The following CDH6 variants were observed in gnomAD, a reference collection of about 807,000 sequenced individuals.
CDH6 encodes the protein cadherin-6.
Under a neutral mutation model 78.0 loss-of-function variants are expected in CDH6, and 31 were observed. The observed-to-expected ratio is 0.40, with a 90% confidence interval of 0.30 to 0.54. The LOEUF (loss-of-function observed/expected upper bound fraction) is 0.54, where lower values mean the gene tolerates loss of function less well. Among genes scored for constraint, CDH6 ranks in the 20% least tolerant of loss-of-function variants. The pLI, the probability that CDH6 is intolerant of heterozygous loss-of-function variation, is 0.56. For synonymous variants in CDH6, 376 were observed against 368.8 expected (o/e 1.02, Z -0.23); for missense variants, 724 against 975.9 (o/e 0.74, Z 3.44).
chr5:31,286,936 G>A (rs1743027514), intron 2 of CDH6, among the ~76,000 whole-genome samples: 1 of 152,140 alleles, frequency 6.6e-6, no homozygotes, highest in African/African-American at 2.4e-5. Flanking sequence ...GGGGATAGTG[G>A]CAGAGGGTAT....
intron 2 of CDH6, among the ~76,000 whole-genome samples, chr5:31,275,656 A>C (rs1046813147): frequency 1.3e-5 from 2 of 152,192 alleles, no homozygotes; most frequent in Non-Finnish European, 1.5e-5. Flanking sequence ...ATAATGCTGC[A>C]TTGAACATGT....
chr5:31,299,376 G>T, intron 4 of CDH6, 88 bp from the exon 5 acceptor site: 1 of 1,025,034 alleles, frequency 9.8e-7, no homozygotes, highest in Non-Finnish European at 1.5e-6. Context: ...CATATTGTGG[G>T]TGACAGTTTA....
intron 2 of CDH6, among the ~76,000 whole-genome samples, chr5:31,276,037 T>C (rs1742682816): frequency 1.3e-5 from 2 of 152,210 alleles, no homozygotes; most frequent in Non-Finnish European, 2.9e-5. Context: ...CAACTCTGTG[T>C]GTGTTGGTGT....
At chr5:31,310,895 T>C (rs1235286601) in intron 7 of CDH6, among the ~76,000 whole-genome samples, 2 of 151,976 alleles carry the variant, frequency 1.3e-5, no homozygotes, top group Non-Finnish European at 1.5e-5. Flanking sequence ...CATAAAACCA[T>C]TTTTTTTCCT....
At position 31,255,423 on chromosome 5, in the gene CDH6, G is replaced by C. The variant is rs949788255; in HGVS notation, c.-128-11923G>C. On this transcript the variant is annotated intron_variant, in intron 1 of 11. Transcript: ENST00000265071. ...ATTAACTTGTTCTGGCAAGTGTTTA[G>C]TAAACATCGAACAAGGGCATTTCTT... is the stretch of plus-strand genomic sequence containing the variant. 2.6e-5 allele frequency among the ~76,000 whole-genome samples: 4 copies of C among 152,180 alleles called. No homozygotes were observed. In the South Asian group the frequency reaches 8.3e-4, roughly 31 times the overall value.
intron 11 of CDH6, among the ~76,000 whole-genome samples, chr5:31,320,220 C>T (rs1055806164): frequency 6.6e-6 from 1 of 152,192 alleles, no homozygotes; most frequent in African/African-American, 2.4e-5. Context: ...GACAGCGACA[C>T]TCTCAAGAAA....
chr5:31,294,049 A>G lies in CDH6; in HGVS notation c.316A>G (p.Asn106Asp). ...GAGDLFIINENTGDIQATKRL... is the reference protein window; with the variant it reads ...GAGDLFIINEDTGDIQATKRL... ...AGGAGATCTCTTCATTATTAATGAA[A>G]ACACAGGCGACATACAGGCCACCAA... The change falls in exon 3 of 12, where the codon AAC (asparagine) becomes GAC (aspartate). Residue 106 changes from asparagine to aspartate, a missense_variant. By Grantham distance (23) the Asn-to-Asp change is conservative. Around this residue, in one of 3 missense-constraint regions of CDH6, gnomAD observed 446 missense variants for 684.5 expected, o/e 0.65. Transcript: ENST00000265071. The surrounding 1 kb of genome is among the most constrained non-coding windows in gnomAD (Gnocchi z 4.1). 1 of 1,613,132 alleles carries G rather than the reference A, an allele frequency of 6.2e-7. No individual in the cohort carries two copies.
At chr5:31,309,801 AC>A (rs1197655923) in intron 7 of CDH6, among the ~76,000 whole-genome samples, 2 of 152,218 alleles carry the variant, frequency 1.3e-5, no homozygotes, top group Admixed American at 6.5e-5. Flanking sequence ...GGAAAGTGCC[AC>A]ACACTTTTGA....
Position 31,215,656 on chromosome 5 carries a change from G to T in CDH6, c.-129+21770G>T, listed in dbSNP as rs143554529. 2.0e-3 allele frequency among the ~76,000 whole-genome samples: 300 copies of T among 152,132 alleles called. 3 individuals are homozygous for T. The Middle Eastern group carries it at 0.02, about 10-fold the overall frequency. On this transcript the variant is annotated intron_variant, in intron 1 of 11. Transcript: ENST00000265071. ...AGAGCTTTGCCACAGGTATCCAGAT[G>T]CAGGACGGAATCAAGTCTAAGAGCC...
chr5:31,302,954 A>AAGGAAG (rs1737862794), intron 6 of CDH6, among the ~76,000 whole-genome samples: 1 of 129,698 alleles, frequency 7.7e-6, no homozygotes, highest in African/African-American at 2.8e-5. Flanking sequence ...AAAGAAAGAA[A>AAGGAAG]GAAGGAAAGA....
In CDH6 at chr5:31,311,595, T is replaced by C. The variant is rs191412871; in HGVS notation, c.1254-1723T>C. Among the ~76,000 whole-genome samples, 4 of 152,358 alleles carry C rather than the reference T, an allele frequency of 2.6e-5. No homozygotes were observed. The East Asian group carries it at 7.7e-4, about 29-fold the overall frequency. ...TCATTCTCACACTGCTATAAAGAAC[T>C]ACCTGAGACTGCGTAATTTGTGAAG... On this transcript the variant is annotated intron_variant, in intron 7 of 11. Coordinates refer to ENST00000265071, the MANE Select transcript of CDH6 (RefSeq NM_004932.4).
intron 1 of CDH6, among the ~76,000 whole-genome samples, chr5:31,223,183 A>G (rs1741049485): frequency 6.6e-6 from 1 of 152,206 alleles, no homozygotes; most frequent in Non-Finnish European, 1.5e-5. Flanking sequence ...TCTTTAGAGT[A>G]GTAGAGATTT....
intron 6 of CDH6, among the ~76,000 whole-genome samples, chr5:31,302,792 G>GAA (rs1561065895): frequency 0.05 from 2,914 of 58,418 alleles, 55 homozygotes; most frequent in East Asian, 0.067. Flanking sequence ...GAGAGAGAGA[G>GAA]AGAGAGAGAA....
At chr5:31,267,201 C>G in intron 1 of CDH6, 145 bp from the exon 2 acceptor site, 1 of 438,330 alleles carries the variant, frequency 2.3e-6, no homozygotes, top group South Asian at 3.5e-5. Context: ...TCTGGAAGAC[C>G]GTCTCCTTCG....
intron 5 of CDH6, among the ~76,000 whole-genome samples, chr5:31,300,056 T>C (rs537334087): frequency 6.6e-6 from 1 of 152,364 alleles, no homozygotes; most frequent in South Asian, 2.1e-4. Flanking sequence ...TTTTACTGTT[T>C]CTAAAAATAC....
At chr5:31,207,144 A>T (rs1020416495) in intron 1 of CDH6, among the ~76,000 whole-genome samples, 1 of 152,218 alleles carries the variant, frequency 6.6e-6, no homozygotes, top group Admixed American at 6.5e-5. Flanking sequence ...TGGGCAAGGC[A>T]TTGTGTCAAG....
At chr5:31,275,809 A>G (rs1418051851) in intron 2 of CDH6, among the ~76,000 whole-genome samples, 1 of 152,178 alleles carries the variant, frequency 6.6e-6, no homozygotes, top group Non-Finnish European at 1.5e-5. Context: ...TTTCATTTCC[A>G]TTGATATGAA....
intron 1 of CDH6, among the ~76,000 whole-genome samples, chr5:31,196,800 G>A (rs888628247): frequency 2.6e-5 from 4 of 152,068 alleles, no homozygotes; most frequent in Non-Finnish European, 5.9e-5. Flanking sequence ...CCAAATGAAA[G>A]CAATGGCCAA....
intron 6 of CDH6, among the ~76,000 whole-genome samples, chr5:31,304,577 C>T (rs928496042): frequency 6.8e-5 from 10 of 146,822 alleles, no homozygotes; most frequent in East Asian, 4.3e-4. Context: ...CCCAGCTACT[C>T]GGGAGGCTGA....
Sources: gnomAD v4.1 joint callset for allele counts (sites outside exome capture counted in the v4.1 genomes callset) on GRCh38, gnomAD v4.1.1 for gene constraint, gnomAD v4.1.1 regional missense constraint, Gnocchi (gnomAD v3.1) non-coding constraint, MANE v1.5 for transcripts, NCBI Gene and HGNC (gene_info 2026-07-23, HGNC 2026-07-21) for gene names.